MCM6: variants seen among roughly 807,000 people sequenced by gnomAD.
The protein encoded by MCM6 is DNA replication licensing factor MCM6.
Under a neutral mutation model 94.3 loss-of-function variants are expected in MCM6, and 46 were observed. The ratio of observed to expected loss-of-function variants is 0.49; its 90% CI spans 0.39 to 0.62. MCM6 has a LOEUF of 0.62. Ranked by LOEUF, MCM6 falls within the 20% of genes least tolerant of loss-of-function variation. The probability of loss-of-function intolerance (pLI) is 0.00; values close to 1 mark genes in which losing one functional copy is unlikely to be tolerated. For missense variants in MCM6, 865 were observed against 1,017.9 expected (o/e 0.85, Z 2.04); for synonymous variants, 335 against 351.9 (o/e 0.95, Z 0.54).
chr2:135,859,452 G>A lies in MCM6; in HGVS notation c.1221-10C>T. 6.3e-7 allele frequency: 1 copy of A among 1,599,992 alleles called. No individual in the cohort carries two copies. Among genetic ancestry groups the A allele is most frequent in the South Asian group, 1.1e-5 (1 of 89,448 alleles). The stretch of plus-strand genomic sequence containing the variant: ...GAACTCCTCCACGTGCCTGTTCAAG[G>A]TTATCACATAAAGACTCATTAATAT... On this transcript the variant is annotated splice_polypyrimidine_tract_variant and intron_variant, in intron 8 of 16. Coordinates refer to ENST00000264156, the MANE Select transcript of MCM6 (RefSeq NM_005915.6).
rs756797803 is a variant in MCM6 at position 135,866,118 on chromosome 2, C to T, written c.927+14G>A. 5 of 1,612,944 alleles carry T rather than the reference C, an allele frequency of 3.1e-6. No homozygotes were observed. Among genetic ancestry groups the T allele is most frequent in the Non-Finnish European group, 3.4e-6 (4 of 1,179,688 alleles). On this transcript the variant is annotated intron_variant, in intron 6 of 16. Transcript: ENST00000264156. ...CTGTTTCAAAAACAAACAAAAACCC[C>T]CAAAACGACTGACCCTTGGGTTGGT...
chr2:135,843,547 A>G (rs1575356645), intron 16 of MCM6, among the ~76,000 whole-genome samples: 1 of 152,046 alleles, frequency 6.6e-6, no homozygotes, highest in East Asian at 1.9e-4. Flanking sequence ...AGCCTGGCCA[A>G]CATGGCAAAA....
rs772841392 is a variant in MCM6, at chr2:135,876,270, G to A, written c.96C>T (p.Asp32=). The change falls in exon 1 of 17, where the codon GAC becomes GAT. Residue 32 remains aspartate (D), a synonymous_variant. Transcript: ENST00000264156. ...VAEKCQKLFL[D]FLEEFQSSDG... ...GCTCGCCGACTTACTCCTCCAAGAA[G>A]TCCAGGAACAGTTTCTGGCACTTCT... 6.2e-7 allele frequency: 1 copy of A among 1,609,064 alleles called. No individual in the cohort carries two copies. The highest frequency in any genetic ancestry group is 8.5e-7 in the Non-Finnish European group (1 of 1,178,836).
chr2:135,850,535 T>C (rs1679761362), intron 13 of MCM6, among the ~76,000 whole-genome samples: 1 of 152,196 alleles, frequency 6.6e-6, no homozygotes, highest in Non-Finnish European at 1.5e-5. Context: ...CAAAGAATAT[T>C]AAATAACCTA....
chr2:135,841,370 T>C (rs927716318), intron 16 of MCM6, among the ~76,000 whole-genome samples: 5 of 152,088 alleles, frequency 3.3e-5, no homozygotes, highest in Non-Finnish European at 5.9e-5. Context: ...CACCATTTCA[T>C]AGAGTTAGGA....
Position 135,859,438 on chromosome 2 carries a change from C to T in MCM6, c.1225G>A (p.Val409Met), listed in dbSNP as rs765614539. Residue 409 changes from valine to methionine, a missense_variant, in exon 9 of 17, where the codon GTG (valine) becomes ATG (methionine). Val to Met is a conservative substitution (Grantham distance 21). Transcript: ENST00000264156. ...ACAGCTCTGGGGCTGAACTCCTCCA[C>T]GTGCCTGTTCAAGGTTATCACATAA... is the stretch of plus-strand genomic sequence containing the variant. ...STAKSQFLKH[V>M]EEFSPRAVYT... is the part of the protein sequence containing the mutation. 18 of 1,607,594 alleles carry T rather than the reference C, an allele frequency of 1.1e-5. No homozygotes were observed. The highest frequency in any genetic ancestry group is 4.5e-5 in the East Asian group (2 of 44,850).
At chr2:135,861,079 G>A (rs1003637519) in intron 8 of MCM6, among the ~76,000 whole-genome samples, 4 of 152,012 alleles carry the variant, frequency 2.6e-5, no homozygotes, top group Non-Finnish European at 5.9e-5. Context: ...AGAATCCTTT[G>A]TAACACAGGA....
At chr2:135,865,289 A>T in intron 6 of MCM6, 126 bp from the exon 7 acceptor site, 45 of 555,786 alleles carry the variant, frequency 8.1e-5, no homozygotes, top group Non-Finnish European at 9.7e-5. Flanking sequence ...TTGACTGTAA[A>T]GGTTTAAAAA....
At chr2:135,852,101 G>T (rs4988232) in intron 12 of MCM6, among the ~76,000 whole-genome samples, 1 of 151,906 alleles carries the variant, frequency 6.6e-6, no homozygotes, top group South Asian at 2.1e-4. Context: ...TTTTACACAA[G>T]AATCACCCAT....
rs559586018 is a variant in MCM6 at position 135,859,295 on chromosome 2, T to G, written c.1362+6A>C. 1.9e-6 allele frequency: 3 copies of G among 1,611,234 alleles called. No individual in the cohort carries two copies. In the South Asian group the frequency reaches 3.3e-5, roughly 18 times the overall value. ...CTTTATACTGAAGAGTGTAAAATGT[T>G]CTTACATTATCAGCCAACATCAAAG... On this transcript the variant is annotated splice_donor_region_variant and intron_variant, in intron 9 of 16. Coordinates refer to ENST00000264156, the MANE Select transcript of MCM6 (RefSeq NM_005915.6).
intron 13 of MCM6, among the ~76,000 whole-genome samples, chr2:135,851,080 C>T (rs773131166): frequency 4.5e-4 from 69 of 152,300 alleles, no homozygotes; most frequent in Non-Finnish European, 2.5e-4. Context: ...CCAGGGGCTA[C>T]ATTATCTTAT....
Position 135,844,697 on chromosome 2 carries a change from A to G in MCM6, c.2210-13T>C, listed in dbSNP as rs558483371. On this transcript the variant is annotated splice_polypyrimidine_tract_variant and intron_variant, in intron 15 of 16. Transcript: ENST00000264156. ...GACTCGTCCTCTTCTGCAACAAAAA[A>G]ACACATTCAAATTATCCTAGCAACT... 21 of 1,529,780 alleles carry G rather than the reference A, an allele frequency of 1.4e-5. No homozygotes were observed. The African/African-American group carries it at 2.7e-4, about 19-fold the overall frequency. 94.8% of individuals were successfully genotyped at this position (1,529,780 alleles called of 1,614,324 possible).
At position 135,851,521 on chromosome 2, in the gene MCM6, G is replaced by A. The variant is rs756704164; in HGVS notation, c.1798C>T (p.His600Tyr). 1 of 1,612,670 alleles carries A rather than the reference G, an allele frequency of 6.2e-7. No individual in the cohort carries two copies. Among genetic ancestry groups the A allele is most frequent in the Non-Finnish European group, 8.5e-7 (1 of 1,179,486 alleles). ...SEDFIVEQYK[H>Y]LRQRDGSGVT... ...CCAGAACCATCTCTCTGGCGGAGAT[G>A]TTTATATTGCTCCACAATGAAGTCC... The change falls in exon 13 of 17, where the codon CAT becomes TAT. Residue 600 changes from histidine to tyrosine, a missense_variant. Coordinates refer to ENST00000264156, the MANE Select transcript of MCM6 (RefSeq NM_005915.6).
intron 2 of MCM6, among the ~76,000 whole-genome samples, chr2:135,872,109 T>A (rs1346120481): frequency 6.6e-6 from 1 of 152,048 alleles, no homozygotes; most frequent in East Asian, 1.9e-4. Flanking sequence ...TTGGGAAAAC[T>A]ATATAGAAAG....
rs779590790 is a variant in MCM6, at chr2:135,868,729, C to A, written c.497G>T (p.Arg166Met). The A allele has an allele frequency of 6.2e-7, 1 of 1,614,172 alleles. No individual in the cohort carries two copies. Among genetic ancestry groups the A allele is most frequent in the South Asian group, 1.1e-5 (1 of 91,088 alleles). The stretch of plus-strand genomic sequence containing the variant: ...GTATTTGAACTGCTGTTCTACATCC[C>A]TGATCACTGTCTGACAGTCCAAGCA... ...FLCLDCQTVI[R>M]DVEQQFKYTQ... The change falls in exon 4 of 17, where the codon AGG (arginine) becomes ATG (methionine). Residue 166 changes from arginine (R) to methionine (M), a missense_variant. Physicochemically the swap from Arg to Met is moderately conservative, Grantham distance 91. This residue lies in a region of MCM6 where 404 missense variants were observed against 451.9 expected (regional missense o/e 0.89). Transcript: ENST00000264156.
chr2:135,873,380 A>G (rs1327850403), intron 1 of MCM6, among the ~76,000 whole-genome samples: 1 of 152,222 alleles, frequency 6.6e-6, no homozygotes, highest in East Asian at 1.9e-4. Flanking sequence ...GAATTTGCAA[A>G]CTAACAAATT....
rs750824384 is a variant in MCM6, at chr2:135,852,880, A to T, written c.1662T>A (p.Asp554Glu). The T allele has an allele frequency of 7.4e-6, 12 of 1,611,336 alleles. No individual in the cohort carries two copies. Among genetic ancestry groups the T allele is most frequent in the Non-Finnish European group, 1.0e-5 (12 of 1,178,882 alleles). Residue 554 changes from aspartate (D) to glutamate (E), a missense_variant, in exon 12 of 17, where the codon GAT becomes GAA. Asp to Glu is a conservative substitution (Grantham distance 45). Around this residue, in one of 3 missense-constraint regions of MCM6, gnomAD observed 308 missense variants for 324.5 expected, o/e 0.95. Coordinates refer to ENST00000264156, the MANE Select transcript of MCM6 (RefSeq NM_005915.6). ...TTGATTCCTCAATTCTTGAATGCAAATCTACTATGCGCCTGGCAATGGCAT... is the reference window on the plus strand; with the variant it reads ...TTGATTCCTCAATTCTTGAATGCAATTCTACTATGCGCCTGGCAATGGCAT... ...TDYAIARRIV[D>E]LHSRIEESID...
rs1296588308 is a variant in MCM6 at position 135,844,592 on chromosome 2, T to C, written c.2302A>G (p.Asn768Asp). 2 of 1,583,458 alleles carry C rather than the reference T, an allele frequency of 1.3e-6. No individual in the cohort carries two copies. The highest frequency in any genetic ancestry group is 1.7e-6 in the Non-Finnish European group (2 of 1,167,110). ...SEIDSEEELI[N>D]KKRIIEKVIH... Reference sequence around the variant, plus strand: ...ACTTTCTCTATGATTCTTTTTTTATTTATAAGTTCTTCTTCAGAGTCTATC... The same window carrying C: ...ACTTTCTCTATGATTCTTTTTTTATCTATAAGTTCTTCTTCAGAGTCTATC... The change falls in exon 16 of 17, where the codon AAT becomes GAT. Residue 768 changes from asparagine to aspartate, a missense_variant. This residue lies in a region of MCM6 where 308 missense variants were observed against 324.5 expected (regional missense o/e 0.95). Transcript: ENST00000264156.
At chr2:135,868,046 C>T (rs559557258) in intron 4 of MCM6, among the ~76,000 whole-genome samples, 3 of 151,842 alleles carry the variant, frequency 2.0e-5, no homozygotes, top group Admixed American at 1.3e-4. Flanking sequence ...AAAAACAAAA[C>T]AAAACAAACA....
Sources: allele counts gnomAD v4.1 joint callset (sites outside exome capture counted in the v4.1 genomes callset), GRCh38; gene constraint gnomAD v4.1.1; regional missense constraint gnomAD v4.1.1; transcripts MANE v1.5; gene names NCBI Gene and HGNC (gene_info 2026-07-23, HGNC 2026-07-21).